The following LIMK2 variants were observed in gnomAD, a reference collection of about 807,000 sequenced individuals.
LIMK2 encodes LIM domain kinase 2.
LIMK2 carries 35 observed loss-of-function variants against 75.7 expected under a neutral mutation model. That is an observed-to-expected ratio of 0.46 (90% CI 0.35 to 0.61). LIMK2 has a LOEUF of 0.61. LIMK2 is among the 20% of genes least tolerant of loss of function. The pLI, the probability that LIMK2 is intolerant of heterozygous loss-of-function variation, is 0.00. For synonymous variants in LIMK2, 301 were observed against 319.2 expected (o/e 0.94, Z 0.61); for missense variants, 623 against 831.0 (o/e 0.75, Z 3.08).
chr22:31,221,531 C>G (rs1250867403), intron 1 of LIMK2, among the ~76,000 whole-genome samples: 1 of 152,106 alleles, frequency 6.6e-6, no homozygotes, highest in Non-Finnish European at 1.5e-5. Flanking sequence ...GTCGCCCAAG[C>G]TGGAATGCAG....
chr22:31,274,344 G>A (rs1484108060), intron 14 of LIMK2, among the ~76,000 whole-genome samples: 2 of 152,176 alleles, frequency 1.3e-5, no homozygotes, highest in African/African-American at 4.8e-5. Flanking sequence ...CTACAAAGTT[G>A]TGAGGGGTAG....
At chr22:31,249,887 A>G (rs181941386) in intron 2 of LIMK2, among the ~76,000 whole-genome samples, 4 of 152,328 alleles carry the variant, frequency 2.6e-5, no homozygotes, top group Non-Finnish European at 5.9e-5. Flanking sequence ...GCGCCCTGCT[A>G]GACACTTTAT....
At position 31,278,798 on chromosome 22, in the gene LIMK2, G is replaced by T; in HGVS notation, c.*357G>T. 1 of 168,458 alleles carries T rather than the reference G, an allele frequency of 5.9e-6. No homozygotes were observed. Among genetic ancestry groups the T allele is most frequent in the Non-Finnish European group, 1.3e-5 (1 of 78,606 alleles). 10.4% of individuals were successfully genotyped at this position (168,458 alleles called of 1,614,324 possible). ...TTGCTTACACTAATCAGCGTGACCT[G>T]GACCTGCTGGGCAGGATCCCAGGGT... On this transcript the variant is annotated 3_prime_UTR_variant, in exon 16 of 16. Coordinates refer to ENST00000331728, the MANE Select transcript of LIMK2 (RefSeq NM_005569.4).
chr22:31,273,332 G>A, intron 13 of LIMK2, 120 bp from the exon 14 acceptor site: 1 of 853,334 alleles, frequency 1.2e-6, no homozygotes, highest in Admixed American at 2.1e-5. Flanking sequence ...AGCCTGTGGG[G>A]TGTCCCTACA....
At chr22:31,218,556 T>G (rs79884731) in intron 1 of LIMK2, among the ~76,000 whole-genome samples, 1 of 152,204 alleles carries the variant, frequency 6.6e-6, no homozygotes, top group Non-Finnish European at 1.5e-5. Context: ...GAGACACTCC[T>G]TTTGGTAAAA....
chr22:31,241,933 G>A (rs1232157652), intron 2 of LIMK2, among the ~76,000 whole-genome samples: 1 of 152,142 alleles, frequency 6.6e-6, no homozygotes, highest in Non-Finnish European at 1.5e-5. Flanking sequence ...TTATGCTGCT[G>A]GGAAGGGCAG....
chr22:31,243,943 G>C lies in LIMK2; in HGVS notation c.117-14348G>C, dbSNP rs540612112. 1.0e-3 allele frequency among the ~76,000 whole-genome samples: 156 copies of C among 152,352 alleles called. 1 individual carries two copies. The highest frequency in any genetic ancestry group is 2.5e-3 in the South Asian group (12 of 4,832). ...ACATCTGGTGATCAATCCTTCAAAGGTTCCTCCTGAAGTCTGAATTTTTGG... is the reference window on the plus strand; with the variant it reads ...ACATCTGGTGATCAATCCTTCAAAGCTTCCTCCTGAAGTCTGAATTTTTGG... On this transcript the variant is annotated intron_variant, in intron 2 of 15. Transcript: ENST00000331728.
In LIMK2 at chr22:31,271,144, G is replaced by T. The variant is rs1192523012; in HGVS notation, c.1326G>T (p.Leu442Phe). ...TCATGCTTCTGTTCCAGGCCTATTT[G>T]CACTCTATGTGCATCATCCACCGGG... ...AKGIASGMAYLHSMCIIHRDL... is the reference protein window; with the variant it reads ...AKGIASGMAYFHSMCIIHRDL... The change falls in exon 12 of 16, where the codon TTG becomes TTT. Residue 442 changes from leucine (L) to phenylalanine (F), a missense_variant. By Grantham distance (22) the Leu-to-Phe change is conservative. Coordinates refer to ENST00000331728, the MANE Select transcript of LIMK2 (RefSeq NM_005569.4). 10 of 1,613,866 alleles carry T rather than the reference G, an allele frequency of 6.2e-6. No homozygotes were observed. Among genetic ancestry groups the T allele is most frequent in the Non-Finnish European group, 6.8e-6 (8 of 1,179,832 alleles).
Position 31,263,730 on chromosome 22 carries a change from G to GCTC in LIMK2, c.854+940_854+942dup, listed in dbSNP as rs1387858344. On this transcript the variant is annotated intron_variant, in intron 7 of 15. Coordinates refer to ENST00000331728, the MANE Select transcript of LIMK2 (RefSeq NM_005569.4). ...TTAATTAGATGGGCAGGGCACTGTGGCTCACACCTGTAATCCCAGCACTTT... is the reference window on the plus strand; with the variant it reads ...TTAATTAGATGGGCAGGGCACTGTGGCTCCTCACACCTGTAATCCCAGCACTTT... Among the ~76,000 whole-genome samples the GCTC allele has an allele frequency of 3.3e-5, 5 of 152,200 alleles. No homozygotes were observed. The East Asian group carries it at 9.6e-4, about 29-fold the overall frequency.
intron 1 of LIMK2, among the ~76,000 whole-genome samples, chr22:31,215,705 A>AAG (rs2048383934): frequency 2.6e-5 from 4 of 152,236 alleles, no homozygotes; most frequent in African/African-American, 9.6e-5. Context: ...AGTTAAGGTA[A>AAG]TTAAGGCAAA....
chr22:31,224,341 C>G (rs980359163), intron 1 of LIMK2, among the ~76,000 whole-genome samples: 7 of 152,194 alleles, frequency 4.6e-5, no homozygotes, highest in Admixed American at 3.3e-4. Flanking sequence ...TAAGTCTTCC[C>G]TATCTTGCAA....
At chr22:31,229,901 G>A (rs1439935562) in intron 2 of LIMK2, among the ~76,000 whole-genome samples, 2 of 152,200 alleles carry the variant, frequency 1.3e-5, no homozygotes, top group Non-Finnish European at 2.9e-5. Flanking sequence ...AAAACTGAAA[G>A]TAGCTCTGTC....
In LIMK2 at chr22:31,250,911, T is replaced by TG. The variant is rs2048718632; in HGVS notation, c.117-7377dup. Among the ~76,000 whole-genome samples, 4 of 152,292 alleles carry TG rather than the reference T, an allele frequency of 2.6e-5. No individual in the cohort carries two copies. In the South Asian group the frequency reaches 8.3e-4, roughly 32 times the overall value. On this transcript the variant is annotated intron_variant, in intron 2 of 15. Transcript: ENST00000331728. ...GGCCTCTGGGGGAGTACAAAGTCTA[T>TG]GGGAGTTCTGGGGCTGTGGTTGCAA... is the stretch of plus-strand genomic sequence containing the variant.
chr22:31,220,571 C>T (rs925931543), intron 1 of LIMK2, among the ~76,000 whole-genome samples: 1 of 152,102 alleles, frequency 6.6e-6, no homozygotes, highest in Admixed American at 6.5e-5. Flanking sequence ...GAAACATATG[C>T]AGTGAACTGT....
At position 31,278,526 on chromosome 22, in the gene LIMK2, G is replaced by A. The variant is rs1011176895; in HGVS notation, c.*85G>A. On this transcript the variant is annotated 3_prime_UTR_variant, in exon 16 of 16. Transcript: ENST00000331728. ...ATTCCTGCTGTGAGCAGGGCCGTCC[G>A]GGCTTCCTGTGGATTGGCGGAATGT... 10 of 1,414,920 alleles carry A rather than the reference G, an allele frequency of 7.1e-6. No homozygotes were observed. Among genetic ancestry groups the A allele is most frequent in the Admixed American group, 2.5e-5 (1 of 40,462 alleles). 87.6% of individuals were successfully genotyped at this position (1,414,920 alleles called of 1,614,324 possible).
intron 2 of LIMK2, among the ~76,000 whole-genome samples, chr22:31,237,942 TAA>T (rs11448021): frequency 5.7e-4 from 80 of 140,546 alleles, no homozygotes; most frequent in African/African-American, 1.5e-3. Flanking sequence ...CTGTCTCTGC[TAA>T]AAAAAAAAAA....
rs577991635 is a variant in LIMK2, at chr22:31,219,863, C to T, written c.17-5857C>T. Reference sequence around the variant, plus strand: ...CTGGGATTACAGGCGTGAGCCACCACGCCCGGCTCTTTTCTGGACTCTTAA... The same window carrying T: ...CTGGGATTACAGGCGTGAGCCACCATGCCCGGCTCTTTTCTGGACTCTTAA... On this transcript the variant is annotated intron_variant, in intron 1 of 15. Coordinates refer to ENST00000331728, the MANE Select transcript of LIMK2 (RefSeq NM_005569.4). 1.6e-4 allele frequency among the ~76,000 whole-genome samples: 24 copies of T among 152,234 alleles called. No individual in the cohort carries two copies. The South Asian group carries it at 4.8e-3, about 30-fold the overall frequency.
At chr22:31,238,563 CA>C (rs1469613596) in intron 2 of LIMK2, among the ~76,000 whole-genome samples, 1 of 152,104 alleles carries the variant, frequency 6.6e-6, no homozygotes, top group Non-Finnish European at 1.5e-5. Flanking sequence ...CCTGAAAGGC[CA>C]AAAGCTAGGC....
chr22:31,275,946 G>T (rs8135344), intron 15 of LIMK2, among the ~76,000 whole-genome samples: 120,220 of 152,132 alleles, frequency 0.79, 48,470 homozygotes, highest in African/African-American at 0.95. Flanking sequence ...GTTAAAAAAC[G>T]AGAATCTGGC....
Sources: gnomAD v4.1 joint callset for allele counts (sites outside exome capture counted in the v4.1 genomes callset) on GRCh38, gnomAD v4.1.1 for gene constraint, MANE v1.5 for transcripts, NCBI Gene and HGNC (gene_info 2026-07-23, HGNC 2026-07-21) for gene names.